Variants in AK8 observed in about 807,000 individuals in gnomAD.
AK8 encodes ATP-AMP transphosphorylase 8.
In AK8, 44 loss-of-function variants were observed where a neutral mutation model predicts 54.6. That is an observed-to-expected ratio of 0.81 (90% CI 0.63 to 1.04). The LOEUF is 1.04. Among genes scored for constraint, AK8 ranks in the 50% least tolerant of loss-of-function variants. AK8 has a pLI of 0.00. For missense variants in AK8, 555 were observed against 613.6 expected (o/e 0.90, Z 1.01); for synonymous variants, 239 against 245.6 (o/e 0.97, Z 0.25).
At chr9:132,810,394 C>T (rs752545161) in intron 10 of AK8, among the ~76,000 whole-genome samples, 4 of 152,118 alleles carry the variant, frequency 2.6e-5, no homozygotes, top group Non-Finnish European at 4.4e-5. Flanking sequence ...AACACAAAAA[C>T]GACTCTGCGC....
chr9:132,819,634 G>A (rs752829225), intron 9 of AK8, among the ~76,000 whole-genome samples: 3 of 152,048 alleles, frequency 2.0e-5, no homozygotes, highest in Admixed American at 6.5e-5. Context: ...GGACATAGAC[G>A]AATTTCAAAA....
At chr9:132,777,240 T>C (rs1296417645) in intron 11 of AK8, among the ~76,000 whole-genome samples, 2 of 152,136 alleles carry the variant, frequency 1.3e-5, no homozygotes, top group Non-Finnish European at 2.9e-5. Context: ...GCCCTCAAAA[T>C]ATTAGGAATA....
At chr9:132,749,568 C>T (rs1395661771) in intron 11 of AK8, among the ~76,000 whole-genome samples, 2 of 151,846 alleles carry the variant, frequency 1.3e-5, no homozygotes, top group African/African-American at 2.4e-5. Context: ...CAGCTTGCCC[C>T]GATATCGGCT....
At chr9:132,774,816 G>A (rs1414525485) in intron 11 of AK8, among the ~76,000 whole-genome samples, 1 of 152,128 alleles carries the variant, frequency 6.6e-6, no homozygotes, top group South Asian at 2.1e-4. Flanking sequence ...GATTTCCATG[G>A]CGGGGAAGGC....
At chr9:132,752,113 A>G (rs998850795) in intron 11 of AK8, among the ~76,000 whole-genome samples, 4 of 149,472 alleles carry the variant, frequency 2.7e-5, no homozygotes, top group African/African-American at 7.4e-5. Context: ...AAGCACTGAG[A>G]TTATAGGTGC....
chr9:132,758,757 C>T (rs1481617080), intron 11 of AK8, among the ~76,000 whole-genome samples: 1 of 152,104 alleles, frequency 6.6e-6, no homozygotes, highest in African/African-American at 2.4e-5. Flanking sequence ...CCGCATTTTC[C>T]ATTTTCTAAT....
At chr9:132,831,117 A>ATC (rs1842083724) in intron 5 of AK8, among the ~76,000 whole-genome samples, 1 of 152,130 alleles carries the variant, frequency 6.6e-6, no homozygotes, top group African/African-American at 2.4e-5. Flanking sequence ...GTAGATTGTT[A>ATC]AATTCTTTTT....
intron 5 of AK8, among the ~76,000 whole-genome samples, chr9:132,831,167 T>A (rs1050789282): frequency 1.8e-4 from 28 of 152,340 alleles, no homozygotes; most frequent in Middle Eastern, 3.4e-3. Context: ...GTTATCGTAA[T>A]GTCTAGTAAA....
rs149712296 is a variant in AK8, at chr9:132,784,217, G to C, written c.1121+8417C>G. ...GACAGAGAGATCTCCCGAACACCCA[G>C]GCAAAAGAAACACATCCATAGGCCG... On this transcript the variant is annotated intron_variant, in intron 11 of 12. Transcript: ENST00000298545. Among the ~76,000 whole-genome samples, 525 of 152,210 alleles carry C rather than the reference G, an allele frequency of 3.4e-3. 1 individual carries two copies. Among genetic ancestry groups the C allele is most frequent in the African/African-American group, 0.011 (472 of 41,542 alleles).
Position 132,850,735 on chromosome 9 carries a change from T to C in AK8, c.402+4122A>G, listed in dbSNP as rs960237892. On this transcript the variant is annotated intron_variant, in intron 5 of 12. Transcript: ENST00000298545. ...TTTTAGTAGAGACGGGGTTTTGCCA[T>C]GTTGGCCAGGCTAGTCTAGAACTCC... Among the ~76,000 whole-genome samples, 5 of 151,994 alleles carry C rather than the reference T, an allele frequency of 3.3e-5. 1 individual carries two copies. The highest frequency in any genetic ancestry group is 1.9e-4 in the East Asian group (1 of 5,132).
At chr9:132,821,762 C>CAA (rs1491012648) in intron 9 of AK8, among the ~76,000 whole-genome samples, 4 of 92,078 alleles carry the variant, frequency 4.3e-5, no homozygotes, top group African/African-American at 8.3e-5. Flanking sequence ...CAAATATATA[C>CAA]ATATATGTAT....
At chr9:132,871,940 A>G (rs999329123) in intron 2 of AK8, among the ~76,000 whole-genome samples, 3 of 152,242 alleles carry the variant, frequency 2.0e-5, no homozygotes, top group African/African-American at 7.2e-5. Context: ...GAGGAGCAAG[A>G]TCAAAACAAA....
At chr9:132,820,829 C>T (rs117146105) in intron 9 of AK8, among the ~76,000 whole-genome samples, 4,455 of 152,324 alleles carry the variant, frequency 0.029, 131 homozygotes, top group Middle Eastern at 0.048. Flanking sequence ...GCGGAGCAGA[C>T]AGCACCTGGA....
chr9:132,809,422 A>T (rs1588154668), intron 10 of AK8, among the ~76,000 whole-genome samples: 2 of 151,848 alleles, frequency 1.3e-5, no homozygotes, highest in South Asian at 4.2e-4. Context: ...GCAGGGAGTC[A>T]CTCCACGACA....
intron 5 of AK8, among the ~76,000 whole-genome samples, chr9:132,835,096 T>C (rs1381428574): frequency 1.3e-5 from 2 of 152,200 alleles, no homozygotes; most frequent in Non-Finnish European, 2.9e-5. Context: ...GGTCTTGATC[T>C]CCTGACCTCA....
Position 132,792,717 on chromosome 9 carries a change from G to T in AK8, c.1038C>A (p.Ile346=). 1.3e-6 allele frequency: 2 copies of T among 1,557,766 alleles called. No individual in the cohort carries two copies. The highest frequency in any genetic ancestry group is 1.7e-6 in the Non-Finnish European group (2 of 1,151,106). ...CGCCGTGTAGCACCCAGCCTTTCTG[G>T]ATGCAGTCCTGCTGGTCCAGGCGCT... ...LSQRLDQQDC[I]QKGWVLHGVP... Residue 346 remains isoleucine, a synonymous_variant, in exon 11 of 13, where the codon ATC becomes ATA. Transcript: ENST00000298545.
intron 5 of AK8, among the ~76,000 whole-genome samples, chr9:132,833,122 A>G (rs1842174273): frequency 6.6e-6 from 1 of 152,210 alleles, no homozygotes; most frequent in Non-Finnish European, 1.5e-5. Flanking sequence ...GGGCGCCTTG[A>G]CCAAACCTCT....
At chr9:132,852,052 A>C (rs1489036869) in intron 5 of AK8, among the ~76,000 whole-genome samples, 2 of 152,214 alleles carry the variant, frequency 1.3e-5, no homozygotes, top group African/African-American at 4.8e-5. Flanking sequence ...AAGACACAGA[A>C]GGCAGAAAGA....
upstream of AK8, chr9:132,878,386 C>T (rs1454879525): frequency 4.0e-6 from 5 of 1,244,254 alleles, no homozygotes; most frequent in South Asian, 2.0e-4. This position sits in a 1 kb window ranked among gnomAD's most constrained non-coding sequence, Gnocchi z 4.7. Flanking sequence ...TCCTCGGTCG[C>T]GCGGGTCGCC....
Sources: gnomAD v4.1 joint callset for allele counts (sites outside exome capture counted in the v4.1 genomes callset) on GRCh38, gnomAD v4.1.1 for gene constraint, Gnocchi (gnomAD v3.1) non-coding constraint, MANE v1.5 for transcripts, NCBI Gene and HGNC (gene_info 2026-07-23, HGNC 2026-07-21) for gene names.